The following SPAST variants were observed in gnomAD, a reference collection of about 807,000 sequenced individuals.
SPAST encodes the protein spastic paraplegia 4 (autosomal dominant; spastin).
In SPAST, 30 loss-of-function variants were observed where a neutral mutation model predicts 76.6. That is an observed-to-expected ratio of 0.39 (90% confidence interval 0.29 to 0.53). The LOEUF (loss-of-function observed/expected upper bound fraction) is 0.53, where lower values mean the gene tolerates loss of function less well. Among genes scored for constraint, SPAST ranks in the 20% least tolerant of loss-of-function variants. The pLI, the probability that SPAST is intolerant of heterozygous loss-of-function variation, is 0.68. For synonymous variants in SPAST, 305 were observed against 281.0 expected (o/e 1.09, Z -0.86); for missense variants, 717 against 770.5 (o/e 0.93, Z 0.82).
At chr2:32,103,224 TTTC>T (rs899533056) in intron 4 of SPAST, among the ~76,000 whole-genome samples, 10 of 152,248 alleles carry the variant, frequency 6.6e-5, no homozygotes. Context: ...GATTTATCCA[TTTC>T]TTCTAGATTT....
chr2:32,113,266 G>T (rs1558322395), intron 4 of SPAST, among the ~76,000 whole-genome samples: 2 of 151,974 alleles, frequency 1.3e-5, no homozygotes, highest in African/African-American at 4.8e-5. Context: ...TGTATTTTTA[G>T]TGGAGATGGG....
intron 7 of SPAST, chr2:32,126,471 T>C (rs1332161608): frequency 2.6e-5 from 1 of 38,222 alleles, no homozygotes; most frequent in Non-Finnish European, 5.6e-5. Flanking sequence ...TTTTATTTCT[T>C]TTTTTTTTTT....
chr2:32,102,802 G>T (rs1262868984), intron 4 of SPAST, among the ~76,000 whole-genome samples: 4 of 152,182 alleles, frequency 2.6e-5, no homozygotes, highest in African/African-American at 9.7e-5. Context: ...AACCAGCCTT[G>T]CATCCCAGGG....
chr2:32,135,269 A>G (rs886557115), intron 9 of SPAST, among the ~76,000 whole-genome samples: 40 of 151,688 alleles, frequency 2.6e-4, no homozygotes, highest in Admixed American at 9.2e-4. Flanking sequence ...AGCTGGGACT[A>G]CAGGCGCCTG....
chr2:32,154,703 T>G lies in SPAST; in HGVS notation c.*207T>G. ...TGTAATTTTTTGTTGTTTAAGGCCT[T>G]GCCTTGATGGTCACAGTTATCCCAA... On this transcript the variant is annotated 3_prime_UTR_variant, in exon 17 of 17. Coordinates refer to ENST00000315285, the MANE Select transcript of SPAST (RefSeq NM_014946.4). 1.8e-6 allele frequency: 1 copy of G among 562,814 alleles called. No homozygotes were observed. Among genetic ancestry groups the G allele is most frequent in the Non-Finnish European group, 3.1e-6 (1 of 318,058 alleles). 34.9% of individuals were successfully genotyped at this position (562,814 alleles called of 1,614,324 possible). A position where few individuals can be genotyped will look rare whatever the true frequency, so the allele number is the denominator to read the frequency against.
intron 9 of SPAST, among the ~76,000 whole-genome samples, chr2:32,136,162 G>T (rs544175008): frequency 1.0e-3 from 153 of 151,666 alleles, no homozygotes; most frequent in African/African-American, 3.2e-3. Flanking sequence ...CGCAAGTTTT[G>T]TTTAGGAGAG....
At chr2:32,096,896 T>C (rs1000172576) in intron 3 of SPAST, among the ~76,000 whole-genome samples, 39 of 151,118 alleles carry the variant, frequency 2.6e-4, no homozygotes, top group African/African-American at 9.0e-4. Context: ...AAAAAAAACC[T>C]CCAAGGTATA....
At chr2:32,076,424 A>G (rs1676964490) in intron 1 of SPAST, among the ~76,000 whole-genome samples, 1 of 152,064 alleles carries the variant, frequency 6.6e-6, no homozygotes, top group African/African-American at 2.4e-5. Context: ...GTCCTACTGT[A>G]TTACCCAGGC....
At chr2:32,081,781 C>CAAAAAAAAAAA (rs34078147) in intron 1 of SPAST, among the ~76,000 whole-genome samples, 3,383 of 44,222 alleles carry the variant, frequency 0.077, 380 homozygotes, top group East Asian at 0.11. Flanking sequence ...GAGACACTGT[C>CAAAAAAAAAAA]AAAAAAAAAA....
intron 12 of SPAST, among the ~76,000 whole-genome samples, chr2:32,139,851 GAAA>G (rs962393586): frequency 2.3e-5 from 3 of 132,244 alleles, no homozygotes; most frequent in Admixed American, 1.5e-4. Context: ...AAAAAAAAAA[GAAA>G]AAAAAAAAGA....
chr2:32,067,835 TA>T lies in SPAST; in HGVS notation c.415+3599del, dbSNP rs1197979814. ...GAAATTTCAACAATATTTTGAACAA[TA>T]AAAAAAAAATAAATTAGGTTTTATT... On this transcript the variant is annotated intron_variant, in intron 1 of 16. Transcript: ENST00000315285. Among the ~76,000 whole-genome samples the T allele has an allele frequency of 6.5e-3, 952 of 146,292 alleles. 13 individuals carry two copies. Among genetic ancestry groups the T allele is most frequent in the African/African-American group, 0.022 (864 of 40,142 alleles).
chr2:32,154,309 T>C, intron 16 of SPAST, 65 bp from the exon 17 acceptor site: 1 of 1,394,270 alleles, frequency 7.2e-7, no homozygotes, highest in African/African-American at 1.4e-5. Flanking sequence ...CTTTAATCCA[T>C]CATTTCGTTA....
At chr2:32,130,924 A>G (rs767108919) in intron 9 of SPAST, among the ~76,000 whole-genome samples, 16 of 152,174 alleles carry the variant, frequency 1.1e-4, no homozygotes, top group Non-Finnish European at 2.1e-4. Flanking sequence ...GCTGCTATGA[A>G]CAGCATGTTC....
chr2:32,102,524 G>A (rs1397267055), intron 4 of SPAST, among the ~76,000 whole-genome samples: 1 of 152,222 alleles, frequency 6.6e-6, no homozygotes, highest in Non-Finnish European at 1.5e-5. Context: ...GGAGTGGTGA[G>A]AGAGGGCATC....
intron 1 of SPAST, among the ~76,000 whole-genome samples, chr2:32,068,678 A>C (rs1345051400): frequency 6.6e-6 from 1 of 152,118 alleles, no homozygotes; most frequent in East Asian, 1.9e-4. Context: ...AATATGCCAA[A>C]TTAAATTAGT....
At chr2:32,135,523 A>T (rs1265600489) in intron 9 of SPAST, among the ~76,000 whole-genome samples, 1 of 152,220 alleles carries the variant, frequency 6.6e-6, no homozygotes, top group Non-Finnish European at 1.5e-5. Flanking sequence ...CCTAGAGGAC[A>T]GAAAAATTTT....
rs587777757 is a variant in SPAST, at chr2:32,128,450, A to G, written c.1216A>G (p.Ile406Val). ...AGAATCGAATGCAACCTTCTTTAAT[A>G]TAAGTGCTGCAAGTTTAACTTCAAA... ...AAESNATFFN[I>V]SAASLTSKYV... Residue 406 changes from isoleucine to valine, a missense_variant, in exon 9 of 17, where the codon ATA (isoleucine) becomes GTA (valine). Ile to Val is a conservative substitution (Grantham distance 29). This residue lies in a region of SPAST where 78 missense variants were observed against 197.6 expected (regional missense o/e 0.39). Coordinates refer to ENST00000315285, the MANE Select transcript of SPAST (RefSeq NM_014946.4). 3 of 1,612,686 alleles carry G rather than the reference A, an allele frequency of 1.9e-6. No homozygotes were observed. The highest frequency in any genetic ancestry group is 1.3e-5 in the African/African-American group (1 of 75,034).
chr2:32,153,256 C>T (rs1171084645), intron 16 of SPAST, among the ~76,000 whole-genome samples: 1 of 151,334 alleles, frequency 6.6e-6, no homozygotes, highest in African/African-American at 2.4e-5. Flanking sequence ...GGCCAAAATA[C>T]AGGTATACGC....
At chr2:32,090,698 T>A (rs1308515312) in intron 3 of SPAST, among the ~76,000 whole-genome samples, 2 of 152,232 alleles carry the variant, frequency 1.3e-5, no homozygotes, top group Non-Finnish European at 2.9e-5. Flanking sequence ...TTCCAATTTA[T>A]TTGTTGATGA....
Sources: allele counts gnomAD v4.1 joint callset (sites outside exome capture counted in the v4.1 genomes callset), GRCh38; gene constraint gnomAD v4.1.1; regional missense constraint gnomAD v4.1.1; transcripts MANE v1.5; gene names NCBI Gene and HGNC (gene_info 2026-07-23, HGNC 2026-07-21).